STRBP: variants seen among roughly 807,000 people sequenced by gnomAD.
STRBP encodes the protein spermatid perinuclear RNA binding protein.
A neutral mutation model predicts 80.1 loss-of-function variants in STRBP; 13 were observed. That is an observed-to-expected ratio of 0.16 (90% confidence interval 0.11 to 0.26). The LOEUF (loss-of-function observed/expected upper bound fraction) is 0.26, where lower values mean the gene tolerates loss of function less well. STRBP is among the 10% of genes least tolerant of loss of function. The pLI is 1.00. For missense variants in STRBP, 485 were observed against 815.2 expected (o/e 0.59, Z 4.93); for synonymous variants, 284 against 291.2 (o/e 0.98, Z 0.25).
At chr9:123,171,888 C>T (rs1174278719) in intron 5 of STRBP, among the ~76,000 whole-genome samples, 1 of 152,174 alleles carries the variant, frequency 6.6e-6, no homozygotes, top group African/African-American at 2.4e-5. Flanking sequence ...CCTGTACACC[C>T]TCCAGGGTAA....
chr9:123,148,373 C>T (rs2036909987), intron 11 of STRBP, among the ~76,000 whole-genome samples: 1 of 152,184 alleles, frequency 6.6e-6, no homozygotes, highest in African/African-American at 2.4e-5. Context: ...TGATTTTGGA[C>T]TTTCAAGCCC....
At chr9:123,148,941 A>T (rs892394849) in intron 11 of STRBP, among the ~76,000 whole-genome samples, 2 of 152,196 alleles carry the variant, frequency 1.3e-5, no homozygotes, top group Non-Finnish European at 2.9e-5. Context: ...TTCTTGGATA[A>T]AGAAGCCACC....
At chr9:123,223,456 G>A (rs1292989670) in intron 2 of STRBP, among the ~76,000 whole-genome samples, 1 of 152,140 alleles carries the variant, frequency 6.6e-6, no homozygotes, top group Non-Finnish European at 1.5e-5. Flanking sequence ...GTGGGAGTGA[G>A]GGGATAGAAT....
intron 2 of STRBP, among the ~76,000 whole-genome samples, chr9:123,200,785 G>C (rs2039296926): frequency 9.3e-6 from 1 of 108,038 alleles, no homozygotes; most frequent in Non-Finnish European, 1.7e-5. Flanking sequence ...GTTTCACCAT[G>C]TTAGCCAGGA....
intron 8 of STRBP, among the ~76,000 whole-genome samples, chr9:123,159,986 A>C (rs700095): frequency 0.62 from 94,864 of 152,076 alleles, 36,675 homozygotes; most frequent in Non-Finnish European, 0.86. Flanking sequence ...GGTAATTTTC[A>C]TGGTAATGCA....
chr9:123,268,082 G>A (rs2041315734), intron 1 of STRBP, among the ~76,000 whole-genome samples: 1 of 64,814 alleles, frequency 1.5e-5, no homozygotes, highest in African/African-American at 6.6e-5. Flanking sequence ...CCCGAGCCCC[G>A]AGCCCTCCGT....
chr9:123,174,949 G>C (rs1439048289), intron 4 of STRBP, among the ~76,000 whole-genome samples: 2 of 152,024 alleles, frequency 1.3e-5, no homozygotes, highest in African/African-American at 4.8e-5. Flanking sequence ...ATATTTACAG[G>C]AGTTACAGTC....
intron 2 of STRBP, among the ~76,000 whole-genome samples, chr9:123,209,170 C>A (rs2039624695): frequency 6.6e-6 from 1 of 152,104 alleles, no homozygotes; most frequent in Non-Finnish European, 1.5e-5. Flanking sequence ...AACTAGTTAC[C>A]CATAATACTT....
chr9:123,169,155 A>G (rs1040225799), intron 6 of STRBP, among the ~76,000 whole-genome samples: 5 of 152,034 alleles, frequency 3.3e-5, no homozygotes, highest in African/African-American at 9.7e-5. Flanking sequence ...GTCAAGAGCA[A>G]TATGATGCAA....
rs191246115 is a variant in STRBP, at chr9:123,146,200, T to C, written c.1338+655A>G. Among the ~76,000 whole-genome samples the C allele has an allele frequency of 4.5e-3, 684 of 152,234 alleles. 2 individuals carry two copies. Among genetic ancestry groups the C allele is most frequent in the Middle Eastern group, 0.027 (8 of 294 alleles). On this transcript the variant is annotated intron_variant, in intron 13 of 18. Coordinates refer to ENST00000348403, the MANE Select transcript of STRBP (RefSeq NM_018387.5). ...GCACTAGTCTGCAAGAGGTCAAATA[T>C]ACTTATAGAGAGATCCCATTACTTG...
chr9:123,223,052 T>TAGAC (rs1242685824), intron 2 of STRBP, among the ~76,000 whole-genome samples: 85 of 80,238 alleles, frequency 1.1e-3, no homozygotes, highest in African/African-American at 3.7e-3. Context: ...AGATAGATGA[T>TAGAC]AGATAGATAG....
intron 11 of STRBP, among the ~76,000 whole-genome samples, chr9:123,154,555 G>A (rs895444575): frequency 4.8e-5 from 7 of 145,318 alleles, no homozygotes; most frequent in African/African-American, 2.0e-4. Context: ...TGGTTTTATG[G>A]GTTTGAAAGA....
chr9:123,135,975 GGAAA>G, intron 16 of STRBP, 62 bp downstream of exon 16: 1 of 1,588,710 alleles, frequency 6.3e-7, no homozygotes, highest in Non-Finnish European at 8.6e-7. Flanking sequence ...CACATGGACA[GGAAA>G]GAAAATTTAA....
At chr9:123,147,978 G>A in intron 11 of STRBP, 108 bp from the exon 12 acceptor site, 1 of 955,398 alleles carries the variant, frequency 1.0e-6, no homozygotes, top group South Asian at 2.2e-5. Flanking sequence ...TCACACCAAG[G>A]ACCATACAAC....
chr9:123,234,480 C>T (rs192770612), intron 2 of STRBP, among the ~76,000 whole-genome samples: 12 of 152,120 alleles, frequency 7.9e-5, no homozygotes, highest in Admixed American at 7.9e-4. Flanking sequence ...AACTAAGACC[C>T]AAAGAGATAA....
intron 1 of STRBP, among the ~76,000 whole-genome samples, chr9:123,254,891 C>T (rs565795550): frequency 1.3e-5 from 2 of 152,220 alleles, no homozygotes; most frequent in East Asian, 1.9e-4. Context: ...AATAAAGAGA[C>T]GACTAATGTG....
At chr9:123,232,653 G>A (rs2040430986) in intron 2 of STRBP, among the ~76,000 whole-genome samples, 1 of 152,192 alleles carries the variant, frequency 6.6e-6, no homozygotes, top group African/African-American at 2.4e-5. Context: ...ATTGTTAGAT[G>A]TAAAATAAAA....
At chr9:123,162,890 T>C (rs1300575299) in intron 6 of STRBP, among the ~76,000 whole-genome samples, 1 of 152,250 alleles carries the variant, frequency 6.6e-6, no homozygotes, top group Non-Finnish European at 1.5e-5. Context: ...CACTTTAATG[T>C]TTCTATGTCA....
chr9:123,123,258 T>A lies in STRBP; in HGVS notation c.*2339A>T. The A allele has an allele frequency of 1.0e-6, 1 of 985,440 alleles. No homozygotes were observed. The allele number at this position is 985,440 out of a possible 1,614,324, so 61.0% of individuals were successfully genotyped here. A position where few individuals can be genotyped will look rare whatever the true frequency, so the allele number is the denominator to read the frequency against. On this transcript the variant is annotated 3_prime_UTR_variant, in exon 19 of 19. Transcript: ENST00000348403. ...AGAGAAGCAAAACTTCATGTTAATCTCAGGCAATTTGGTGAAGCCAAGAGC... is the reference window on the plus strand; with the variant it reads ...AGAGAAGCAAAACTTCATGTTAATCACAGGCAATTTGGTGAAGCCAAGAGC...
Sources: allele counts gnomAD v4.1 joint callset (sites outside exome capture counted in the v4.1 genomes callset), GRCh38; gene constraint gnomAD v4.1.1; transcripts MANE v1.5; gene names NCBI Gene and HGNC (gene_info 2026-07-23, HGNC 2026-07-21).